Variants in TADA3 observed in about 807,000 individuals in gnomAD.
TADA3 encodes transcriptional adapter 3.
Under a neutral mutation model 43.2 loss-of-function variants are expected in TADA3, and 25 were observed. The ratio of observed to expected loss-of-function variants is 0.58; its 90% CI spans 0.42 to 0.81. TADA3 has a LOEUF of 0.81. Ranked by LOEUF, TADA3 falls within the 30% of genes least tolerant of loss-of-function variation. The pLI is 0.00. For synonymous variants in TADA3, 235 were observed against 225.5 expected (o/e 1.04, Z -0.38); for missense variants, 441 against 567.8 (o/e 0.78, Z 2.27).
At chr3:9,787,435 G>A (rs749877381) in intron 4 of TADA3, 95 bp from the exon 5 acceptor site, 1 of 1,485,008 alleles carries the variant, frequency 6.7e-7, no homozygotes, top group East Asian at 2.3e-5. Context: ...TCTCTCTCAA[G>A]TCCCTAGTCC....
intron 5 of TADA3, 25 bp from the exon 6 acceptor site, chr3:9,787,134 G>C (rs1167505992): frequency 1.9e-6 from 3 of 1,614,196 alleles, no homozygotes; most frequent in Non-Finnish European, 2.5e-6. Context: ...GAAAGGAGGG[G>C]AGGTGGGCTG....
At chr3:9,787,526 A>G in intron 4 of TADA3, 186 bp from the exon 5 acceptor site, 1 of 999,594 alleles carries the variant, frequency 1.0e-6, no homozygotes, top group Non-Finnish European at 1.4e-6. Context: ...TAAGGGAGAC[A>G]GGTCCAAAAA....
At chr3:9,787,994 G>T (rs1011380637) in intron 4 of TADA3, 1 of 317,720 alleles carries the variant, frequency 3.1e-6, no homozygotes. Context: ...TGGTCAACAC[G>T]GCAATGAAGA....
rs994911665 is a variant in TADA3, at chr3:9,785,188, G to A, written c.920+128C>T. The A allele has an allele frequency of 6.2e-6, 4 of 649,730 alleles. No homozygotes were observed. The South Asian group carries it at 6.2e-5, about 10-fold the overall frequency. The allele number at this position is 649,730 out of a possible 1,614,324, so 40.2% of individuals were successfully genotyped here. On this transcript the variant is annotated intron_variant, in intron 7 of 8. Transcript: ENST00000301964. ...ACACGCTGGGTCATCACTCACACTT[G>A]AGACTGCTATTAGGCTTCACCTAAC...
At chr3:9,792,792 A>G (rs2078773891), upstream of TADA3, 1 of 1,262,636 alleles carries the variant, frequency 7.9e-7, no homozygotes, top group African/African-American at 1.5e-5. Context: ...TTTGGTGCCC[A>G]ATCTGAAGCT....
intron 6 of TADA3, among the ~76,000 whole-genome samples, chr3:9,786,493 G>A (rs1044783929): frequency 6.6e-6 from 1 of 152,072 alleles, no homozygotes; most frequent in Admixed American, 6.6e-5. Flanking sequence ...CAACCAGCAG[G>A]TATAAAGACA....
At chr3:9,789,130 C>T (rs938364109) in intron 4 of TADA3, among the ~76,000 whole-genome samples, 4 of 152,202 alleles carry the variant, frequency 2.6e-5, no homozygotes, top group African/African-American at 4.8e-5. Context: ...GCCACTGCTC[C>T]CAGCCCAAGT....
In TADA3 at chr3:9,780,367, A is replaced by C; in HGVS notation, c.1289T>G (p.Leu430Arg). 6.2e-7 allele frequency: 1 copy of C among 1,612,306 alleles called. No individual in the cohort carries two copies. The highest frequency in any genetic ancestry group is 8.5e-7 in the Non-Finnish European group (1 of 1,179,352). The part of the protein sequence containing the change: ...LKERESILKL[L>R]DG The stretch of plus-strand genomic sequence containing the variant: ...AGGCAGGGGTGAGGGCTACCCATCC[A>C]GCAGCTTCAGGATGCTCTCACGCTC... Residue 430 changes from leucine to arginine, a missense_variant, in exon 9 of 9, where the codon CTG (leucine) becomes CGG (arginine). Transcript: ENST00000301964.
At chr3:9,786,640 G>C (rs1301639944) in intron 6 of TADA3, among the ~76,000 whole-genome samples, 1 of 152,150 alleles carries the variant, frequency 6.6e-6, no homozygotes, top group East Asian at 1.9e-4. Context: ...TGTGTATAAA[G>C]CCCCTCCAAC....
At chr3:9,782,862 G>A (rs574777979) in intron 8 of TADA3, among the ~76,000 whole-genome samples, 1 of 151,386 alleles carries the variant, frequency 6.6e-6, no homozygotes, top group Admixed American at 6.6e-5. Context: ...TTAAGACACA[G>A]CACTTGTCTG....
rs2078690744 is a variant in TADA3 at position 9,789,611 on chromosome 3, G to C, written c.462C>G (p.Phe154Leu). The change falls in exon 4 of 9, where the codon TTC (phenylalanine) becomes TTG (leucine). Residue 154 changes from phenylalanine (F) to leucine (L), a missense_variant. Coordinates refer to ENST00000301964, the MANE Select transcript of TADA3 (RefSeq NM_006354.5). The part of the protein sequence containing the change: ...RIPKNDAPNR[F>L]WASVEPYCAD... ...CACAGTAGGGCTCCACTGAAGCCCA[G>C]AACCTGCAGGGAGAAGCAGATCCTG... 1 of 1,614,050 alleles carries C rather than the reference G, an allele frequency of 6.2e-7. No homozygotes were observed. Among genetic ancestry groups the C allele is most frequent in the Non-Finnish European group, 8.5e-7 (1 of 1,179,932 alleles).
intron 8 of TADA3, among the ~76,000 whole-genome samples, chr3:9,780,752 C>T (rs537900973): frequency 6.6e-6 from 1 of 152,248 alleles, no homozygotes; most frequent in African/African-American, 2.4e-5. Context: ...ATGTTGATCA[C>T]GGGGGAGGCT....
intron 4 of TADA3, among the ~76,000 whole-genome samples, chr3:9,788,721 G>A (rs2078673736): frequency 6.6e-6 from 1 of 151,848 alleles, no homozygotes; most frequent in Non-Finnish European, 1.5e-5. Flanking sequence ...TGTATTTTTA[G>A]TAGAGACGGC....
Position 9,780,562 on chromosome 3 carries a change from G to C in TADA3, c.1107-13C>G, listed in dbSNP as rs996158803. The C allele has an allele frequency of 1.9e-6, 3 of 1,595,870 alleles. No homozygotes were observed. The highest frequency in any genetic ancestry group is 1.7e-5 in the Admixed American group (1 of 59,324). The stretch of plus-strand genomic sequence containing the variant: ...CTCCTTTGCCAGCCTGTGGGGACCA[G>C]CCAGCCAGGTGCCAGGGTCAGCCCA... On this transcript the variant is annotated splice_polypyrimidine_tract_variant and intron_variant, in intron 8 of 8. Transcript: ENST00000301964.
chr3:9,781,651 T>C (rs1559715450), intron 8 of TADA3: 1 of 436,234 alleles, frequency 2.3e-6, no homozygotes, highest in East Asian at 7.3e-5. Context: ...ATTTATACAT[T>C]TCATCGATGG....
Position 9,780,256 on chromosome 3 carries a change from G to C in TADA3, c.*101C>G. 2 of 1,308,176 alleles carry C rather than the reference G, an allele frequency of 1.5e-6. No individual in the cohort carries two copies. The highest frequency in any genetic ancestry group is 2.1e-6 in the Non-Finnish European group (2 of 953,490). 81.0% of individuals were successfully genotyped at this position (1,308,176 alleles called of 1,614,324 possible). ...GGCCCTCTAGAGACTGCCGCCATTT[G>C]AGGGACAGCCACAGGCCAATGTTTC... On this transcript the variant is annotated 3_prime_UTR_variant, in exon 9 of 9. Coordinates refer to ENST00000301964, the MANE Select transcript of TADA3 (RefSeq NM_006354.5).
In TADA3 at chr3:9,787,505, TCA is replaced by T. The variant is rs1399135881; in HGVS notation, c.565-167_565-166del. ...GTACAACGAAGATAAAACCTGTACT[TCA>T]CACTCTAGTAAGGGAGACAGGTCCA... On this transcript the variant is annotated intron_variant, in intron 4 of 8. Coordinates refer to ENST00000301964, the MANE Select transcript of TADA3 (RefSeq NM_006354.5). The T allele has an allele frequency of 1.8e-5, 19 of 1,085,104 alleles. No homozygotes were observed. The East Asian group carries it at 4.2e-4, about 24-fold the overall frequency. The allele number at this position is 1,085,104 out of a possible 1,614,324, so 67.2% of individuals were successfully genotyped here.
chr3:9,787,747 G>T, intron 4 of TADA3: 2 of 1,273,932 alleles, frequency 1.6e-6, no homozygotes, highest in Non-Finnish European at 2.1e-6. Context: ...TAAGAAATCA[G>T]ATAAGTGAAG....
intron 7 of TADA3, among the ~76,000 whole-genome samples, chr3:9,784,609 A>C (rs2078561375): frequency 6.6e-6 from 1 of 152,128 alleles, no homozygotes; most frequent in Non-Finnish European, 1.5e-5. Flanking sequence ...TCACACCTGT[A>C]ATCCCAGCAC....
Sources: allele counts gnomAD v4.1 joint callset (sites outside exome capture counted in the v4.1 genomes callset), GRCh38; gene constraint gnomAD v4.1.1; transcripts MANE v1.5; gene names NCBI Gene and HGNC (gene_info 2026-07-23, HGNC 2026-07-21).